PARD6G: variants seen among roughly 807,000 people sequenced by gnomAD.
PARD6G encodes partitioning defective 6 homolog gamma.
A neutral mutation model predicts 10.7 loss-of-function variants in PARD6G; 7 were observed. The observed-to-expected ratio is 0.66, with a 90% CI of 0.37 to 1.23. The LOEUF is 1.23. Ranked by LOEUF, PARD6G falls within the 50% of genes most tolerant of loss-of-function variation. The probability of loss-of-function intolerance (pLI) is 0.02; values close to 1 mark genes in which losing one functional copy is unlikely to be tolerated. For missense variants in PARD6G, 548 were observed against 571.8 expected (o/e 0.96, Z 0.42); for synonymous variants, 287 against 269.4 (o/e 1.07, Z -0.64).
chr18:80,208,194 TG>T (rs1168772497), intron 1 of PARD6G, among the ~76,000 whole-genome samples: 1 of 152,236 alleles, frequency 6.6e-6, no homozygotes, highest in East Asian at 1.9e-4. Context: ...TTATTTGTAA[TG>T]GAATATTTAC....
At chr18:80,229,638 GTCT>G (rs1424229867) in intron 1 of PARD6G, among the ~76,000 whole-genome samples, 1 of 152,234 alleles carries the variant, frequency 6.6e-6, no homozygotes, top group Non-Finnish European at 1.5e-5. Context: ...CAACTGACCT[GTCT>G]TCGTGTAGCT....
At chr18:80,207,468 G>A (rs1174809196) in intron 1 of PARD6G, among the ~76,000 whole-genome samples, 2 of 152,070 alleles carry the variant, frequency 1.3e-5, no homozygotes, top group Non-Finnish European at 2.9e-5. Context: ...TAATGTAAAC[G>A]AAAGATTCTT....
chr18:80,225,813 G>A (rs914416111), intron 1 of PARD6G, among the ~76,000 whole-genome samples: 2 of 151,976 alleles, frequency 1.3e-5, no homozygotes, highest in Non-Finnish European at 2.9e-5. Context: ...CACATACAAA[G>A]AGGAAAGTCC....
chr18:80,238,073 A>G (rs569011520), intron 1 of PARD6G, among the ~76,000 whole-genome samples: 1 of 152,354 alleles, frequency 6.6e-6, no homozygotes, highest in Non-Finnish European at 1.5e-5. Flanking sequence ...CACTGTTCAC[A>G]ATAGCAAAGA....
rs1490304973 is a variant in PARD6G, at chr18:80,228,485, C to G, written c.72+18792G>C. Among the ~76,000 whole-genome samples the G allele has an allele frequency of 1.3e-5, 2 of 152,112 alleles. No homozygotes were observed. Among genetic ancestry groups the G allele is most frequent in the African/African-American group, 2.4e-5 (1 of 41,416 alleles). ...ATTGTCTGCAAGGGGTCCCCACCCC[C>G]ACAAGGCCCGCCCACCCCAGGCTTG... On this transcript the variant is annotated intron_variant, in intron 1 of 2. Transcript: ENST00000353265. This position sits in a 1 kb window ranked among gnomAD's most constrained non-coding sequence, Gnocchi z 4.6.
chr18:80,222,662 G>T (rs192199793), intron 1 of PARD6G, among the ~76,000 whole-genome samples: 1 of 152,138 alleles, frequency 6.6e-6, no homozygotes, highest in Non-Finnish European at 1.5e-5. Flanking sequence ...CCTTACATTT[G>T]TCATCAATTT....
intron 2 of PARD6G, among the ~76,000 whole-genome samples, chr18:80,194,160 G>A (rs1327998362): frequency 6.6e-6 from 1 of 152,204 alleles, no homozygotes. Context: ...TTTCATTAGT[G>A]TATATTGAAC....
intron 1 of PARD6G, among the ~76,000 whole-genome samples, chr18:80,232,673 A>G (rs529895761): frequency 1.7e-4 from 26 of 152,182 alleles, no homozygotes; most frequent in African/African-American, 6.0e-4. Flanking sequence ...ACAATTCAAG[A>G]TGAGATTTGG....
At chr18:80,214,453 G>A (rs1017438953) in intron 1 of PARD6G, among the ~76,000 whole-genome samples, 7 of 151,822 alleles carry the variant, frequency 4.6e-5, no homozygotes, top group African/African-American at 1.2e-4. Flanking sequence ...GAAACAGAGC[G>A]AGACTACATT....
chr18:80,165,021 A>G (rs1005804098), intron 2 of PARD6G, among the ~76,000 whole-genome samples: 2 of 152,238 alleles, frequency 1.3e-5, no homozygotes, highest in Admixed American at 1.3e-4. Flanking sequence ...ATAAGGGTCT[A>G]TGTTCAGCAG....
intron 2 of PARD6G, 81 bp downstream of exon 2, chr18:80,202,629 G>C (rs897134499): frequency 8.0e-7 from 1 of 1,249,484 alleles, no homozygotes; most frequent in Non-Finnish European, 1.1e-6. Flanking sequence ...ACATAGTCCT[G>C]TAATGACAGA....
intron 1 of PARD6G, among the ~76,000 whole-genome samples, chr18:80,243,257 G>A (rs925866490): frequency 3.9e-5 from 6 of 152,132 alleles, no homozygotes; most frequent in Admixed American, 6.5e-5. Flanking sequence ...GGAATATGAT[G>A]CAGTCTTTTC....
intron 2 of PARD6G, among the ~76,000 whole-genome samples, chr18:80,186,630 G>A (rs1599855887): frequency 6.6e-6 from 1 of 151,510 alleles, no homozygotes; most frequent in South Asian, 2.1e-4. Flanking sequence ...ACTCATAGCT[G>A]CTGCTCTCGA....
intron 2 of PARD6G, among the ~76,000 whole-genome samples, chr18:80,198,202 T>C (rs4798946): frequency 0.66 from 100,354 of 152,126 alleles, 33,239 homozygotes; most frequent in Admixed American, 0.68. Context: ...CGTCTGAGCC[T>C]CAAATGCAGC....
intron 2 of PARD6G, among the ~76,000 whole-genome samples, chr18:80,179,338 G>A (rs1199699466): frequency 6.6e-6 from 1 of 152,088 alleles, no homozygotes; most frequent in East Asian, 1.9e-4. Flanking sequence ...CAAGGCCCAG[G>A]GAGGATGAGC....
intron 1 of PARD6G, among the ~76,000 whole-genome samples, chr18:80,216,274 C>T (rs777782856): frequency 1.3e-5 from 2 of 152,008 alleles, no homozygotes; most frequent in Non-Finnish European, 1.5e-5. Flanking sequence ...ACCAACTAGA[C>T]CTGGAAGACA....
chr18:80,176,215 A>G (rs917461630), intron 2 of PARD6G, among the ~76,000 whole-genome samples: 1 of 152,202 alleles, frequency 6.6e-6, no homozygotes, highest in East Asian at 1.9e-4. Flanking sequence ...ACAACATTAT[A>G]AAGTAGGAAT....
chr18:80,189,148 A>C lies in PARD6G; in HGVS notation c.295+13562T>G, dbSNP rs2052894693. 1 of 152,278 alleles carries C rather than the reference A, an allele frequency of 6.6e-6. No individual in the cohort carries two copies. The highest frequency in any genetic ancestry group is 6.5e-5 in the Admixed American group (1 of 15,284). 9.4% of individuals were successfully genotyped at this position (152,278 alleles called of 1,614,324 possible). A position where few individuals can be genotyped will look rare whatever the true frequency, so the allele number is the denominator to read the frequency against. On this transcript the variant is annotated intron_variant, in intron 2 of 2. Transcript: ENST00000353265. This position sits in a 1 kb window ranked among gnomAD's most constrained non-coding sequence, Gnocchi z 5.5. ...TACCAGAGAGCACAACTGTAATTGAAACAACCAGAAATAACCGTTGGCAGA... is the reference window on the plus strand; with the variant it reads ...TACCAGAGAGCACAACTGTAATTGACACAACCAGAAATAACCGTTGGCAGA...
chr18:80,233,542 T>C (rs552481941), intron 1 of PARD6G, among the ~76,000 whole-genome samples: 23 of 152,294 alleles, frequency 1.5e-4, no homozygotes, highest in African/African-American at 5.5e-4. Context: ...CAGCAAGGCA[T>C]GAGGTCAGGA....
Sources: allele counts gnomAD v4.1 joint callset (sites outside exome capture counted in the v4.1 genomes callset), GRCh38; gene constraint gnomAD v4.1.1; non-coding constraint Gnocchi (gnomAD v3.1); transcripts MANE v1.5; gene names NCBI Gene and HGNC (gene_info 2026-07-23, HGNC 2026-07-21).